Variants in CTNNA2 observed in about 807,000 individuals in gnomAD.
CTNNA2 encodes the protein catenin alpha-2.
In CTNNA2, 42 loss-of-function variants were observed where a neutral mutation model predicts 101.0. The ratio of observed to expected loss-of-function variants is 0.42; its 90% confidence interval spans 0.32 to 0.54. The LOEUF (loss-of-function observed/expected upper bound fraction) is 0.54. Ranked by LOEUF, CTNNA2 falls within the 20% of genes least tolerant of loss-of-function variation. The probability of loss-of-function intolerance (pLI) is 0.14; values close to 1 mark genes in which losing one functional copy is unlikely to be tolerated. For synonymous variants in CTNNA2, 450 were observed against 456.4 expected (o/e 0.99, Z 0.18); for missense variants, 871 against 1,223.1 (o/e 0.71, Z 4.29).
intron 7 of CTNNA2, among the ~76,000 whole-genome samples, chr2:79,948,743 C>T (rs552589587): frequency 6.6e-5 from 10 of 152,108 alleles, no homozygotes; most frequent in Admixed American, 2.6e-4. Flanking sequence ...CCGAGGCGGG[C>T]GGATCACGAG....
chr2:80,267,073 C>T (rs998618823), intron 7 of CTNNA2, among the ~76,000 whole-genome samples: 1 of 152,150 alleles, frequency 6.6e-6, no homozygotes, highest in Non-Finnish European at 1.5e-5. Context: ...ATGTCAGGCT[C>T]CCCAGTCTCC....
At chr2:79,861,175 T>C (rs1270718736) in intron 4 of CTNNA2, among the ~76,000 whole-genome samples, 1 of 152,208 alleles carries the variant, frequency 6.6e-6, no homozygotes, top group Non-Finnish European at 1.5e-5. Context: ...GATTGAGTAA[T>C]ACCCTGTAGT....
intron 7 of CTNNA2, among the ~76,000 whole-genome samples, chr2:79,947,216 T>A (rs553800349): frequency 6.6e-5 from 10 of 152,286 alleles, no homozygotes; most frequent in Non-Finnish European, 1.3e-4. Context: ...CAGTGGAAAA[T>A]CTGACTCCTT....
At chr2:80,029,842 A>G (rs1302233169) in intron 7 of CTNNA2, among the ~76,000 whole-genome samples, 1 of 152,138 alleles carries the variant, frequency 6.6e-6, no homozygotes, top group Non-Finnish European at 1.5e-5. Flanking sequence ...GCACACAACA[A>G]GTGTTTAAAT....
chr2:80,189,748 TA>T (rs5832436), intron 7 of CTNNA2, among the ~76,000 whole-genome samples: 25 of 148,460 alleles, frequency 1.7e-4, no homozygotes, highest in African/African-American at 5.2e-4. Context: ...CTCAACCAGT[TA>T]AAAAAAAAAC....
At chr2:80,479,687 G>A (rs1686000396) in intron 9 of CTNNA2, among the ~76,000 whole-genome samples, 1 of 152,028 alleles carries the variant, frequency 6.6e-6, no homozygotes, top group Non-Finnish European at 1.5e-5. Flanking sequence ...GAAATGTACT[G>A]CCCTAAAAAA....
At chr2:79,693,935 A>G (rs1684487207) in intron 2 of CTNNA2, among the ~76,000 whole-genome samples, 1 of 151,974 alleles carries the variant, frequency 6.6e-6, no homozygotes, top group Non-Finnish European at 1.5e-5. Flanking sequence ...ACGGTTATGA[A>G]TATTTTCTTA....
intron 2 of CTNNA2, among the ~76,000 whole-genome samples, chr2:79,727,883 C>T (rs1415995230): frequency 2.0e-5 from 3 of 151,958 alleles, no homozygotes; most frequent in Non-Finnish European, 4.4e-5. Context: ...CAGTTTCATC[C>T]ATGTCCCTAC....
intron 7 of CTNNA2, among the ~76,000 whole-genome samples, chr2:80,392,063 A>G (rs2149365172): frequency 6.6e-6 from 1 of 152,344 alleles, no homozygotes; most frequent in Middle Eastern, 3.4e-3. Flanking sequence ...AAACCCAGCT[A>G]TGGAGAGCGG....
At chr2:80,484,835 T>C (rs895872369) in intron 9 of CTNNA2, among the ~76,000 whole-genome samples, 3 of 152,014 alleles carry the variant, frequency 2.0e-5, no homozygotes, top group Non-Finnish European at 4.4e-5. Context: ...TGAAACCTTG[T>C]CTCTACTGAA....
At chr2:80,393,081 A>T (rs1367098267) in intron 7 of CTNNA2, 130 bp from the exon 8 acceptor site, 3 of 616,680 alleles carry the variant, frequency 4.9e-6, no homozygotes, top group Admixed American at 6.7e-5. Context: ...TGTTATAGTT[A>T]TGTATTGAAA....
chr2:79,452,225 G>C (rs1670764818), intron 4 of CTNNA2, among the ~76,000 whole-genome samples: 2 of 152,066 alleles, frequency 1.3e-5, no homozygotes, highest in Admixed American at 1.3e-4. Context: ...TCCATTGATT[G>C]AGACACAAGT....
chr2:79,198,806 G>A (rs770825029), intron 2 of CTNNA2, among the ~76,000 whole-genome samples: 27 of 152,026 alleles, frequency 1.8e-4, no homozygotes, highest in Non-Finnish European at 2.1e-4. Context: ...ATAGTTTTCC[G>A]GCTGTTAAAA....
At chr2:80,051,280 A>ACGT (rs1696861847) in intron 7 of CTNNA2, among the ~76,000 whole-genome samples, 1 of 152,176 alleles carries the variant, frequency 6.6e-6, no homozygotes, top group African/African-American at 2.4e-5. Context: ...TGGAACTCTT[A>ACGT]CGTCATTCAC....
intron 7 of CTNNA2, among the ~76,000 whole-genome samples, chr2:80,054,276 G>A (rs1451900999): frequency 6.6e-6 from 1 of 152,184 alleles, no homozygotes; most frequent in East Asian, 1.9e-4. Flanking sequence ...GCGGGTTTGT[G>A]TTAGCATTTG....
chr2:80,568,509 A>G (rs1558596898), intron 12 of CTNNA2, among the ~76,000 whole-genome samples: 1 of 152,146 alleles, frequency 6.6e-6, no homozygotes, highest in African/African-American at 2.4e-5. Flanking sequence ...AACAGTTGAC[A>G]TACAGAAATA....
intron 18 of CTNNA2, among the ~76,000 whole-genome samples, chr2:80,621,881 G>A (rs1472163046): frequency 6.6e-6 from 1 of 151,864 alleles, no homozygotes; most frequent in Admixed American, 6.6e-5. Context: ...AAATATCCCT[G>A]TGGCCTGGGT....
At chr2:79,837,952 G>A (rs1319987134) in intron 3 of CTNNA2, among the ~76,000 whole-genome samples, 2 of 152,038 alleles carry the variant, frequency 1.3e-5, no homozygotes, top group East Asian at 3.9e-4. Flanking sequence ...ATTATGCAAG[G>A]TGATTTTCTA....
intron 7 of CTNNA2, among the ~76,000 whole-genome samples, chr2:80,216,517 T>C (rs982790254): frequency 2.0e-5 from 3 of 152,216 alleles, no homozygotes; most frequent in Non-Finnish European, 2.9e-5. Flanking sequence ...TACTAGGTCG[T>C]GAGGGTTGAT....
Sources: gnomAD v4.1 joint callset for allele counts (sites outside exome capture counted in the v4.1 genomes callset) on GRCh38, gnomAD v4.1.1 for gene constraint, MANE v1.5 for transcripts, NCBI Gene and HGNC (gene_info 2026-07-23, HGNC 2026-07-21) for gene names.